Variants in RHOA observed in about 807,000 individuals in gnomAD.
RHOA encodes transforming protein RhoA.
In RHOA, 3 loss-of-function variants were observed where a neutral mutation model predicts 17.5. The ratio of observed to expected loss-of-function variants is 0.17; its 90% CI spans 0.08 to 0.44. The LOEUF is 0.44. RHOA is among the 20% of genes least tolerant of loss of function. The pLI, the probability that RHOA is intolerant of heterozygous loss-of-function variation, is 0.99. For synonymous variants in RHOA, 98 were observed against 88.4 expected, an observed-to-expected ratio of 1.11 and a Z score of -0.61; for missense variants, 56 against 242.3, an observed-to-expected ratio of 0.23 and a Z score of 5.10.
chr3:49,369,796 G>A (rs7373849), intron 2 of RHOA, among the ~76,000 whole-genome samples: 66,179 of 151,552 alleles, frequency 0.44, 15,721 homozygotes, highest in East Asian at 0.93. Flanking sequence ...GGCTGGGTGC[G>A]GTGGCTCACG....
At chr3:49,385,853 A>G (rs2048387965) in intron 1 of RHOA, among the ~76,000 whole-genome samples, 2 of 152,220 alleles carry the variant, frequency 1.3e-5, no homozygotes, top group Admixed American at 6.6e-5. Flanking sequence ...TTTCCCCCCA[A>G]CTGGATGGTC....
chr3:49,399,987 G>A (rs1351437949), intron 1 of RHOA, among the ~76,000 whole-genome samples: 6 of 151,898 alleles, frequency 4.0e-5, no homozygotes, highest in Admixed American at 1.3e-4. Flanking sequence ...TTGGGAGGCC[G>A]AGGTGGGCGA....
rs1449787800 is a variant in RHOA at position 49,360,243 on chromosome 3, C to T, written c.548G>A (p.Arg183His). ...AAGGCACCCAGATTTTTTCTTCCCA[C>T]GTCTAGCTTGCAGAGCAGCTCTCGT... ...MATRAALQARRGKKKSGCLVL is the reference protein window; with the variant it reads ...MATRAALQARHGKKKSGCLVL Residue 183 changes from arginine to histidine, a missense_variant, in exon 5 of 5, where the codon CGT becomes CAT. This residue lies in a region of RHOA where 39 missense variants were observed against 86.0 expected (regional missense o/e 0.45). Transcript: ENST00000418115. 2 of 1,613,918 alleles carry T rather than the reference C, an allele frequency of 1.2e-6. No individual in the cohort carries two copies. Among genetic ancestry groups the T allele is most frequent in the Non-Finnish European group, 1.7e-6 (2 of 1,179,970 alleles).
At chr3:49,402,906 G>A (rs927576482) in intron 1 of RHOA, among the ~76,000 whole-genome samples, 23 of 151,850 alleles carry the variant, frequency 1.5e-4, no homozygotes, top group Admixed American at 9.2e-4. Context: ...GCGTGGTGGC[G>A]GGTGCCTGTA....
At position 49,387,360 on chromosome 3, in the gene RHOA, C is replaced by T. The variant is rs1007087182; in HGVS notation, c.-2-11769G>A. On this transcript the variant is annotated intron_variant, in intron 1 of 4. Transcript: ENST00000418115. Reference sequence around the variant, plus strand: ...TTGGGAGGCTGAGGCAGGAAAATTGCTTGAACCTGAGAAGCAGAGGTTGCA... The same window carrying T: ...TTGGGAGGCTGAGGCAGGAAAATTGTTTGAACCTGAGAAGCAGAGGTTGCA... Among the ~76,000 whole-genome samples the T allele has an allele frequency of 2.2e-4, 32 of 147,712 alleles. 1 individual carries two copies. Among genetic ancestry groups the T allele is most frequent in the African/African-American group, 7.2e-4 (29 of 40,016 alleles).
At chr3:49,381,960 A>C (rs2048325132) in intron 1 of RHOA, among the ~76,000 whole-genome samples, 1 of 151,948 alleles carries the variant, frequency 6.6e-6, no homozygotes, top group Non-Finnish European at 1.5e-5. Context: ...CTGAGGTGGG[A>C]AGACAGCTAG....
rs1575658584 is a variant in RHOA at position 49,381,021 on chromosome 3, A to T, written c.-2-5430T>A. On this transcript the variant is annotated intron_variant, in intron 1 of 4. Transcript: ENST00000418115. ...ACTTTTTTTTTTTTTGCAAAAAGGGAGTAAATTGAAGATACTACTAATCAT... is the reference window on the plus strand; with the variant it reads ...ACTTTTTTTTTTTTTGCAAAAAGGGTGTAAATTGAAGATACTACTAATCAT... Among the ~76,000 whole-genome samples, 3 of 151,064 alleles carry T rather than the reference A, an allele frequency of 2.0e-5. No individual in the cohort carries two copies. In the Admixed American group the frequency reaches 2.0e-4, roughly 10 times the overall value.
At chr3:49,384,662 C>T (rs1054224430) in intron 1 of RHOA, among the ~76,000 whole-genome samples, 7 of 151,996 alleles carry the variant, frequency 4.6e-5, no homozygotes, top group Non-Finnish European at 7.4e-5. Flanking sequence ...ACACACACCA[C>T]GCCCAGCTAA....
At chr3:49,371,148 C>A (rs1212553211) in intron 2 of RHOA, among the ~76,000 whole-genome samples, 1 of 152,126 alleles carries the variant, frequency 6.6e-6, no homozygotes, top group Middle Eastern at 3.2e-3. Context: ...TCTATTGGCG[C>A]TTGATAAAAT....
rs2047912839 is a variant in RHOA, at chr3:49,359,180, A to AAAAT, written c.*1025_*1028dup. 5.4e-6 allele frequency: 1 copy of AAAAT among 184,284 alleles called. No homozygotes were observed. The highest frequency in any genetic ancestry group is 2.3e-5 in the African/African-American group (1 of 42,558). The allele number at this position is 184,284 out of a possible 1,614,324, so 11.4% of individuals were successfully genotyped here. On this transcript the variant is annotated 3_prime_UTR_variant, in exon 5 of 5. Coordinates refer to ENST00000418115, the MANE Select transcript of RHOA (RefSeq NM_001664.4). Reference sequence around the variant, plus strand: ...TGCCTTTATTCTATTAGTAGTTGGAAAAATTAACTGGTACAGAAAAAAAGT... The same window carrying AAAAT: ...TGCCTTTATTCTATTAGTAGTTGGAAAAATAAATTAACTGGTACAGAAAAAAAGT...
At chr3:49,374,440 T>C (rs2048192084) in intron 2 of RHOA, among the ~76,000 whole-genome samples, 1 of 150,856 alleles carries the variant, frequency 6.6e-6, no homozygotes, top group African/African-American at 2.4e-5. Context: ...CACATATGGC[T>C]GGGCAAGGTG....
chr3:49,399,262 C>CG (rs764129017), intron 1 of RHOA, among the ~76,000 whole-genome samples: 48 of 150,928 alleles, frequency 3.2e-4, no homozygotes, highest in Non-Finnish European at 4.7e-4. Flanking sequence ...CCCAGCTACT[C>CG]GGGAGGCTGA....
intron 3 of RHOA, among the ~76,000 whole-genome samples, chr3:49,364,826 G>A (rs2048028594): frequency 6.7e-6 from 1 of 149,376 alleles, no homozygotes; most frequent in South Asian, 2.1e-4. Context: ...ACAAAAATTA[G>A]TCAGGCATGG....
intron 1 of RHOA, among the ~76,000 whole-genome samples, chr3:49,405,360 G>A (rs934824042): frequency 6.6e-6 from 1 of 152,060 alleles, no homozygotes; most frequent in African/African-American, 2.4e-5. Flanking sequence ...GAATCCAGGA[G>A]GTGGAGGTTG....
intron 4 of RHOA, 22 bp from the exon 5 acceptor site, chr3:49,360,404 T>C (rs767576007): frequency 6.2e-7 from 1 of 1,600,302 alleles, no homozygotes; most frequent in African/African-American, 1.4e-5. Flanking sequence ...AAAAAAATAG[T>C]CCTTTTAGCT....
intron 1 of RHOA, among the ~76,000 whole-genome samples, chr3:49,387,363 G>A (rs573121982): frequency 2.7e-5 from 4 of 149,388 alleles, no homozygotes; most frequent in Non-Finnish European, 4.4e-5. Flanking sequence ...AAAATTGCTT[G>A]AACCTGAGAA....
At chr3:49,392,374 A>G (rs537981001) in intron 1 of RHOA, among the ~76,000 whole-genome samples, 94 of 152,258 alleles carry the variant, frequency 6.2e-4, no homozygotes, top group Non-Finnish European at 1.0e-3. Context: ...GCCAGTAGGT[A>G]AAGTCTACAG....
At chr3:49,380,310 G>T (rs1012810815) in intron 1 of RHOA, among the ~76,000 whole-genome samples, 1 of 152,142 alleles carries the variant, frequency 6.6e-6, no homozygotes, top group Non-Finnish European at 1.5e-5. Flanking sequence ...CCCCAAGACT[G>T]CCTACCTTCC....
intron 1 of RHOA, among the ~76,000 whole-genome samples, chr3:49,390,796 T>A: frequency 6.6e-6 from 1 of 151,922 alleles, no homozygotes; most frequent in Admixed American, 6.6e-5. Context: ...TATAAAAGAG[T>A]ACGGGGCCAG....
Sources: gnomAD v4.1 joint callset for allele counts (sites outside exome capture counted in the v4.1 genomes callset) on GRCh38, gnomAD v4.1.1 for gene constraint, gnomAD v4.1.1 regional missense constraint, MANE v1.5 for transcripts, NCBI Gene and HGNC (gene_info 2026-07-23, HGNC 2026-07-21) for gene names.